Variants in MYO1E observed in about 807,000 individuals in gnomAD.
MYO1E encodes myosin IE.
Under a neutral mutation model 151.1 loss-of-function variants are expected in MYO1E, and 68 were observed. The observed-to-expected ratio is 0.45, with a 90% confidence interval of 0.37 to 0.55. MYO1E has a LOEUF of 0.55. Ranked by LOEUF, MYO1E falls within the 20% of genes least tolerant of loss-of-function variation. The pLI is 0.00. For missense variants in MYO1E, 1,363 were observed against 1,389.3 expected (o/e 0.98, Z 0.30); for synonymous variants, 601 against 501.7 (o/e 1.20, Z -2.64).
At chr15:59,242,706 C>G (rs1456555693) in intron 4 of MYO1E, among the ~76,000 whole-genome samples, 1 of 152,048 alleles carries the variant, frequency 6.6e-6, no homozygotes, top group Non-Finnish European at 1.5e-5. Context: ...GAGAATATAT[C>G]CCCACAAAAT....
intron 4 of MYO1E, among the ~76,000 whole-genome samples, chr15:59,244,537 C>T (rs1312945916): frequency 1.3e-5 from 2 of 152,194 alleles, no homozygotes; most frequent in African/African-American, 4.8e-5. Flanking sequence ...CCCTATGACT[C>T]ACCCCAGAGG....
chr15:59,172,757 T>C (rs1489595863), intron 21 of MYO1E, among the ~76,000 whole-genome samples: 1 of 152,234 alleles, frequency 6.6e-6, no homozygotes, highest in Non-Finnish European at 1.5e-5. Flanking sequence ...AAAATACTGA[T>C]ATATTGTCAT....
Position 59,207,416 on chromosome 15 carries a change from T to C in MYO1E, c.1530+1265A>G, listed in dbSNP as rs1263947618. Reference sequence around the variant, plus strand: ...AAGGGAGAAACGCGCCTTAATTTAGTCCAGCGAAATGTGGCCATCTTCAAG... The same window carrying C: ...AAGGGAGAAACGCGCCTTAATTTAGCCCAGCGAAATGTGGCCATCTTCAAG... On this transcript the variant is annotated intron_variant, in intron 14 of 27. Coordinates refer to ENST00000288235, the MANE Select transcript of MYO1E (RefSeq NM_004998.4). 3 of 1,613,950 alleles carry C rather than the reference T, an allele frequency of 1.9e-6. No individual in the cohort carries two copies. In the African/African-American group the frequency reaches 4.0e-5, roughly 22 times the overall value.
At chr15:59,184,725 T>C (rs1440157014) in intron 18 of MYO1E, among the ~76,000 whole-genome samples, 1 of 152,222 alleles carries the variant, frequency 6.6e-6, no homozygotes, top group Non-Finnish European at 1.5e-5. Flanking sequence ...ATCTTGGCTA[T>C]TGTGAATAGT....
chr15:59,192,343 G>C (rs755503870), intron 17 of MYO1E, among the ~76,000 whole-genome samples: 1 of 151,378 alleles, frequency 6.6e-6, no homozygotes. Context: ...CTCATCCTAT[G>C]AGGATTTACT....
At chr15:59,164,804 A>C (rs1466214771) in intron 22 of MYO1E, among the ~76,000 whole-genome samples, 1 of 152,184 alleles carries the variant, frequency 6.6e-6, no homozygotes, top group African/African-American at 2.4e-5. Context: ...AGTGACCCAG[A>C]GGTGATGGAG....
intron 1 of MYO1E, among the ~76,000 whole-genome samples, chr15:59,353,369 A>AAAAAAAAG (rs1178465167): frequency 1.2e-4 from 12 of 96,886 alleles, no homozygotes; most frequent in East Asian, 6.1e-4. Context: ...AAAAAAAAAA[A>AAAAAAAAG]AAAAGAAAAG....
intron 16 of MYO1E, among the ~76,000 whole-genome samples, chr15:59,196,036 C>T (rs991877648): frequency 5.9e-5 from 9 of 152,064 alleles, no homozygotes; most frequent in African/African-American, 2.2e-4. Flanking sequence ...TTCTGGCAAT[C>T]CAACTAATGA....
intron 6 of MYO1E, among the ~76,000 whole-genome samples, chr15:59,231,279 C>G (rs552811588): frequency 6.6e-6 from 1 of 152,308 alleles, no homozygotes; most frequent in African/African-American, 2.4e-5. Context: ...CAGTCTAACT[C>G]TGTGCACCCT....
At chr15:59,174,290 C>T in intron 19 of MYO1E, 50 bp from the exon 20 acceptor site, 5 of 1,295,108 alleles carry the variant, frequency 3.9e-6, no homozygotes, top group Non-Finnish European at 5.6e-6. Flanking sequence ...GCCCCAATCC[C>T]TGAACAACAC....
intron 10 of MYO1E, among the ~76,000 whole-genome samples, chr15:59,215,301 G>A (rs967286452): frequency 1.3e-5 from 2 of 152,180 alleles, no homozygotes; most frequent in African/African-American, 4.8e-5. Flanking sequence ...TTTGCTAAGT[G>A]CTCTCAATGT....
chr15:59,344,655 T>C (rs936679333), intron 1 of MYO1E, among the ~76,000 whole-genome samples: 10 of 152,158 alleles, frequency 6.6e-5, no homozygotes, highest in African/African-American at 2.2e-4. Flanking sequence ...GAGTCAGAAA[T>C]GTTAGAAATC....
intron 1 of MYO1E, among the ~76,000 whole-genome samples, chr15:59,332,085 T>A (rs185753056): frequency 1.3e-5 from 2 of 152,366 alleles, no homozygotes; most frequent in Non-Finnish European, 2.9e-5. Flanking sequence ...TATCCTACCA[T>A]GTTGCAGTAA....
chr15:59,190,327 C>G (rs955448206), intron 17 of MYO1E, among the ~76,000 whole-genome samples: 1 of 152,140 alleles, frequency 6.6e-6, no homozygotes. Context: ...GTGCTGATAA[C>G]GGGGCTAATG....
intron 16 of MYO1E, among the ~76,000 whole-genome samples, chr15:59,198,645 G>A (rs2079782368): frequency 1.3e-5 from 2 of 151,760 alleles, no homozygotes; most frequent in Admixed American, 6.6e-5. Flanking sequence ...GTGAAACTTC[G>A]TCTCTACTAA....
At chr15:59,221,347 T>C (rs955855340) in intron 9 of MYO1E, among the ~76,000 whole-genome samples, 6 of 152,000 alleles carry the variant, frequency 3.9e-5, no homozygotes, top group South Asian at 2.1e-4. Flanking sequence ...CTGTAGAACA[T>C]TGCAGTATAA....
intron 4 of MYO1E, among the ~76,000 whole-genome samples, chr15:59,255,540 G>A (rs963677430): frequency 9.9e-5 from 15 of 152,082 alleles, no homozygotes; most frequent in East Asian, 1.9e-4. Flanking sequence ...GATTAGAGGC[G>A]TGCGCCACCA....
intron 18 of MYO1E, among the ~76,000 whole-genome samples, chr15:59,186,326 A>G (rs1373640180): frequency 6.6e-6 from 1 of 152,144 alleles, no homozygotes; most frequent in African/African-American, 2.4e-5. Context: ...ACAGCCCTAA[A>G]TAAGAACTGT....
chr15:59,216,627 G>A (rs1336793684), intron 10 of MYO1E, among the ~76,000 whole-genome samples: 1 of 26,450 alleles, frequency 3.8e-5, no homozygotes, highest in Non-Finnish European at 1.1e-4. Flanking sequence ...TCTATCTTTT[G>A]GATCGAAGGG....
Sources: allele counts gnomAD v4.1 joint callset (sites outside exome capture counted in the v4.1 genomes callset), GRCh38; gene constraint gnomAD v4.1.1; transcripts MANE v1.5; gene names NCBI Gene and HGNC (gene_info 2026-07-23, HGNC 2026-07-21).